TAS2R1: variants seen among roughly 807,000 people sequenced by gnomAD.
TAS2R1 encodes the protein taste 2 receptor member 1.
For missense variants in TAS2R1, 370 were observed against 353.4 expected (o/e 1.05, Z -0.38); for synonymous variants, 141 against 134.2 (o/e 1.05, Z -0.35).
At chr5:9,902,377 T>G in the TAS2R1 span, among the ~76,000 whole-genome samples, 1 of 152,004 alleles carries the variant, frequency 6.6e-6, no homozygotes, top group East Asian at 1.9e-4. Flanking sequence ...AGAATCCCTG[T>G]AGAGCACATA....
At chr5:9,812,696 C>G in the TAS2R1 span, among the ~76,000 whole-genome samples, 7 of 152,106 alleles carry the variant, frequency 4.6e-5, no homozygotes, top group Non-Finnish European at 1.0e-4. Context: ...GGGCCAGGAA[C>G]TTAGTAACAG....
chr5:9,885,801 G>T, the TAS2R1 span, among the ~76,000 whole-genome samples: 2 of 152,100 alleles, frequency 1.3e-5, no homozygotes, highest in African/African-American at 4.8e-5. Flanking sequence ...GAAAGTGTTT[G>T]TGTGATAAAT....
the TAS2R1 span, among the ~76,000 whole-genome samples, chr5:9,857,200 T>TA: frequency 6.6e-6 from 1 of 152,102 alleles, no homozygotes; most frequent in Non-Finnish European, 1.5e-5. Flanking sequence ...AAAATACAGT[T>TA]AGATAGAAGA....
At chr5:9,718,162 T>G in the TAS2R1 span, among the ~76,000 whole-genome samples, 26 of 148,654 alleles carry the variant, frequency 1.7e-4, no homozygotes, top group East Asian at 1.0e-3. Flanking sequence ...GTAGAGACGG[T>G]GTTTCGCCGT....
upstream of TAS2R1, among the ~76,000 whole-genome samples, chr5:9,716,770 C>G (rs1734821764): frequency 6.6e-6 from 1 of 152,094 alleles, no homozygotes; most frequent in Non-Finnish European, 1.5e-5. Context: ...AAAATGACAA[C>G]TTTTGACTTG....
chr5:9,848,956 G>C, the TAS2R1 span, among the ~76,000 whole-genome samples: 1 of 152,108 alleles, frequency 6.6e-6, no homozygotes, highest in African/African-American at 2.4e-5. Context: ...GTTCCTATTT[G>C]TCAGGTATCT....
intron 2 of TAS2R1, among the ~76,000 whole-genome samples, chr5:9,659,230 C>A (rs577308069): frequency 6.6e-6 from 1 of 152,054 alleles, no homozygotes; most frequent in African/African-American, 2.4e-5. Context: ...GCACAGGGAC[C>A]CCATGAACTA....
the TAS2R1 span, among the ~76,000 whole-genome samples, chr5:9,893,689 G>A: frequency 6.6e-6 from 1 of 152,174 alleles, no homozygotes; most frequent in African/African-American, 2.4e-5. Context: ...CCCTCAGAGA[G>A]AAGGACTTCT....
the TAS2R1 span, among the ~76,000 whole-genome samples, chr5:9,806,675 C>T: frequency 1.3e-5 from 2 of 152,114 alleles, no homozygotes; most frequent in Middle Eastern, 3.2e-3. Context: ...ACAAATGGTG[C>T]TGGGACAATT....
chr5:9,850,041 T>C, the TAS2R1 span, among the ~76,000 whole-genome samples: 1 of 152,230 alleles, frequency 6.6e-6, no homozygotes, highest in Non-Finnish European at 1.5e-5. Flanking sequence ...CTCTCACTCC[T>C]ATCTGACATG....
the TAS2R1 span, among the ~76,000 whole-genome samples, chr5:9,819,141 G>C: frequency 1.3e-5 from 2 of 152,304 alleles, no homozygotes; most frequent in East Asian, 3.9e-4. Flanking sequence ...TGATTCAACT[G>C]AAAGGGGAGC....
the TAS2R1 span, among the ~76,000 whole-genome samples, chr5:9,781,406 C>T: frequency 6.6e-6 from 1 of 152,170 alleles, no homozygotes; most frequent in Non-Finnish European, 1.5e-5. Context: ...TGGACTGCTG[C>T]AATGGCCTCC....
chr5:9,858,150 G>C, the TAS2R1 span, among the ~76,000 whole-genome samples: 3 of 152,038 alleles, frequency 2.0e-5, no homozygotes, highest in Non-Finnish European at 4.4e-5. Context: ...AGCCACTGAG[G>C]CCCAGTCTGG....
the TAS2R1 span, among the ~76,000 whole-genome samples, chr5:9,750,105 C>G: frequency 6.6e-6 from 1 of 152,146 alleles, no homozygotes; most frequent in African/African-American, 2.4e-5. Flanking sequence ...GCAGGAGATC[C>G]AAGGGCAGAA....
chr5:9,652,599 A>G (rs925035896), intron 2 of TAS2R1, among the ~76,000 whole-genome samples: 2 of 152,200 alleles, frequency 1.3e-5, no homozygotes, highest in Non-Finnish European at 2.9e-5. Context: ...CACAATGGAC[A>G]GAAATAAGAG....
the TAS2R1 span, among the ~76,000 whole-genome samples, chr5:9,869,371 G>A: frequency 2.6e-5 from 4 of 152,228 alleles, no homozygotes; most frequent in Non-Finnish European, 5.9e-5. Flanking sequence ...TGGCAGGCAA[G>A]AGAGTATGTG....
the TAS2R1 span, among the ~76,000 whole-genome samples, chr5:9,886,076 G>T: frequency 6.7e-6 from 1 of 149,564 alleles, no homozygotes; most frequent in East Asian, 2.0e-4. Context: ...CTGCCACCCA[G>T]GCTGGAGTGC....
At chr5:9,736,673 A>G in the TAS2R1 span, among the ~76,000 whole-genome samples, 1 of 152,200 alleles carries the variant, frequency 6.6e-6, no homozygotes, top group Non-Finnish European at 1.5e-5. Context: ...TGTGTTTGAC[A>G]TCTTATCTCA....
At chr5:9,896,430 G>A in the TAS2R1 span, among the ~76,000 whole-genome samples, 1 of 152,108 alleles carries the variant, frequency 6.6e-6, no homozygotes, top group Non-Finnish European at 1.5e-5. Context: ...ATTGGTTTAG[G>A]TCAGTTTAGA....
Sources: allele counts gnomAD v4.1 joint callset (sites outside exome capture counted in the v4.1 genomes callset), GRCh38; gene constraint gnomAD v4.1.1; transcripts MANE v1.5; gene names NCBI Gene and HGNC (gene_info 2026-07-23, HGNC 2026-07-21).